The following DYNC2H1 variants were observed in gnomAD, a reference collection of about 807,000 sequenced individuals.
DYNC2H1 encodes cytoplasmic dynein 2 heavy chain 1.
DYNC2H1 carries 410 observed loss-of-function variants against 570.0 expected under a neutral mutation model. The ratio of observed to expected loss-of-function variants is 0.72; its 90% CI spans 0.66 to 0.78. The LOEUF (loss-of-function observed/expected upper bound fraction) is 0.78, where lower values mean the gene tolerates loss of function less well. DYNC2H1 is among the 30% of genes least tolerant of loss of function. DYNC2H1 has a pLI of 0.00. For synonymous variants in DYNC2H1, 1,688 were observed against 1,677.6 expected, an observed-to-expected ratio of 1.01 and a Z score of -0.15; for missense variants, 4,865 against 5,046.4, an observed-to-expected ratio of 0.96 and a Z score of 1.09.
rs1861992321 is a variant in DYNC2H1 at position 103,184,654 on chromosome 11, TGTATCTATTTGAGGACTGTAGCACTGAAA to T, written c.6478-240_6478-212del. Among the ~76,000 whole-genome samples the T allele has an allele frequency of 4.6e-5, 7 of 152,076 alleles. No individual in the cohort carries two copies. The South Asian group carries it at 1.4e-3, about 31-fold the overall frequency. On this transcript the variant is annotated intron_variant, in intron 40 of 88. Coordinates refer to ENST00000375735, the MANE Select transcript of DYNC2H1 (RefSeq NM_001377.3). ...CTTCAGGTTTAGGAAGTAAATAAAC[TGTATCTATTTGAGGACTGTAGCACTGAAA>T]GCTAGAAATATATGATTGTACTTTC...
chr11:103,414,313 C>T (rs1943199568), intron 84 of DYNC2H1, among the ~76,000 whole-genome samples: 1 of 152,092 alleles, frequency 6.6e-6, no homozygotes, highest in African/African-American at 2.4e-5. Context: ...GTGAAATACA[C>T]AAATTCCTTG....
intron 13 of DYNC2H1, among the ~76,000 whole-genome samples, chr11:103,132,350 A>G (rs1749761711): frequency 6.6e-6 from 1 of 151,740 alleles, no homozygotes; most frequent in South Asian, 2.1e-4. Context: ...TTTTTTTATA[A>G]TTCTATTTTT....
At chr11:103,468,799 G>T (rs530284271) in intron 88 of DYNC2H1, 94 bp downstream of exon 88, 1 of 1,006,868 alleles carries the variant, frequency 9.9e-7, no homozygotes, top group African/African-American at 1.6e-5. Flanking sequence ...GTGTATTTTT[G>T]TTTGCTTTCT....
chr11:103,285,143 G>A (rs1866295212), intron 73 of DYNC2H1, among the ~76,000 whole-genome samples: 1 of 152,174 alleles, frequency 6.6e-6, no homozygotes, highest in Non-Finnish European at 1.5e-5. Flanking sequence ...GCTTGACAGA[G>A]TTTAAAACTG....
intron 62 of DYNC2H1, among the ~76,000 whole-genome samples, chr11:103,236,165 G>T (rs1565419303): frequency 6.6e-6 from 1 of 151,814 alleles, no homozygotes; most frequent in Non-Finnish European, 1.5e-5. Flanking sequence ...AAAATTCTTT[G>T]TGATGTTAGT....
In DYNC2H1 at chr11:103,232,948, C is replaced by G. The variant is rs377613132; in HGVS notation, c.9441-1086C>G. 2.0e-5 allele frequency among the ~76,000 whole-genome samples: 3 copies of G among 151,882 alleles called. No homozygotes were observed. The East Asian group carries it at 5.8e-4, about 29-fold the overall frequency. On this transcript the variant is annotated intron_variant, in intron 60 of 88. Transcript: ENST00000375735. ...GTCATATGCAGTTACTGAGCACTTG[C>G]AATGTTTGTAATATGACTGAGGAAT...
At chr11:103,390,138 C>G (rs186807358) in intron 83 of DYNC2H1, among the ~76,000 whole-genome samples, 1 of 152,232 alleles carries the variant, frequency 6.6e-6, no homozygotes, top group East Asian at 1.9e-4. Flanking sequence ...GTCTAAGTCT[C>G]TTTGTAGGTC....
At position 103,307,748 on chromosome 11, in the gene DYNC2H1, A is replaced by G; in HGVS notation, c.11410A>G (p.Thr3804Ala). 1 of 1,602,218 alleles carries G rather than the reference A, an allele frequency of 6.2e-7. No homozygotes were observed. Among genetic ancestry groups the G allele is most frequent in the Non-Finnish European group, 8.5e-7 (1 of 1,173,628 alleles). Residue 3804 changes from threonine to alanine, a missense_variant, in exon 78 of 89, where the codon ACC (threonine) becomes GCC (alanine). Thr to Ala is a moderately conservative substitution (Grantham distance 58). This residue lies in a region of DYNC2H1 where 2,401 missense variants were observed against 2,454.6 expected (regional missense o/e 0.98). Transcript: ENST00000375735. ...KELNTLQPKD[T>A]FRLWLTAEVH... ...ATTGAATACTCTTCAACCTAAAGATACCTTTCGTCTTTGGCTCACTGCAGA... is the reference window on the plus strand; with the variant it reads ...ATTGAATACTCTTCAACCTAAAGATGCCTTTCGTCTTTGGCTCACTGCAGA...
chr11:103,328,633 A>T (rs992267475), intron 82 of DYNC2H1, among the ~76,000 whole-genome samples: 6 of 152,250 alleles, frequency 3.9e-5, no homozygotes, highest in Non-Finnish European at 8.8e-5. Context: ...ACAAATATGA[A>T]GGCCAAAAAT....
chr11:103,220,932 T>C, intron 57 of DYNC2H1, 149 bp downstream of exon 57: 1 of 684,812 alleles, frequency 1.5e-6, no homozygotes, highest in Non-Finnish European at 2.4e-6. Flanking sequence ...AGGTATTCTA[T>C]GTAATCATAT....
chr11:103,229,600 C>CT (rs1863930855), intron 59 of DYNC2H1, among the ~76,000 whole-genome samples: 1 of 152,030 alleles, frequency 6.6e-6, no homozygotes, highest in African/African-American at 2.4e-5. Context: ...CTTCATTGAT[C>CT]TGTGTGTTCT....
chr11:103,450,481 A>C (rs77850207), intron 85 of DYNC2H1, among the ~76,000 whole-genome samples: 23,467 of 152,240 alleles, frequency 0.15, 2,012 homozygotes, highest in East Asian at 0.26. Flanking sequence ...CAAACCACAC[A>C]AAGTATGCTT....
At chr11:103,188,891 G>A (rs1338628650) in intron 44 of DYNC2H1, among the ~76,000 whole-genome samples, 4 of 151,974 alleles carry the variant, frequency 2.6e-5, no homozygotes, top group East Asian at 1.9e-4. Context: ...GTTTTGTGTA[G>A]TCTGTGTTCC....
chr11:103,188,682 G>A, intron 44 of DYNC2H1, 34 bp downstream of exon 44: 1 of 1,433,134 alleles, frequency 7.0e-7, no homozygotes, highest in Non-Finnish European at 9.3e-7. Context: ...TTTTTAATTT[G>A]GGAAGATATC....
At chr11:103,137,930 A>G (rs1193480130) in intron 17 of DYNC2H1, among the ~76,000 whole-genome samples, 2 of 150,180 alleles carry the variant, frequency 1.3e-5, no homozygotes, top group African/African-American at 4.9e-5. Context: ...TTCTCCTTGA[A>G]GAGGTCCTTC....
In DYNC2H1 at chr11:103,163,216, G is replaced by C; in HGVS notation, c.4611+69G>C. 1 of 1,512,586 alleles carries C rather than the reference G, an allele frequency of 6.6e-7. No homozygotes were observed. The highest frequency in any genetic ancestry group is 8.9e-7 in the Non-Finnish European group (1 of 1,126,150). 93.7% of individuals were successfully genotyped at this position (1,512,586 alleles called of 1,614,324 possible). On this transcript the variant is annotated intron_variant, in intron 30 of 88. Coordinates refer to ENST00000375735, the MANE Select transcript of DYNC2H1 (RefSeq NM_001377.3). This position sits in a 1 kb window ranked among gnomAD's most constrained non-coding sequence, Gnocchi z 4.6. ...GAAAGATCCCTGACCTAGAAGCCAG[G>C]AGGCTCAGATAAATCGCATCTGTTT... is the stretch of plus-strand genomic sequence containing the variant.
Position 103,120,993 on chromosome 11 carries a change from A to T in DYNC2H1, c.1317A>T (p.Leu439Phe). Residue 439 changes from leucine (L) to phenylalanine (F), a missense_variant, in exon 9 of 89, where the codon TTA (leucine) becomes TTT (phenylalanine). Physicochemically the swap from Leu to Phe is conservative, Grantham distance 22 (BLOSUM62 0). Coordinates refer to ENST00000375735, the MANE Select transcript of DYNC2H1 (RefSeq NM_001377.3). ...KRPTISKELM[L>F]ERETLLARLV... is the part of the protein sequence containing the mutation. Reference sequence around the variant, plus strand: ...CAACTATAAGCAAAGAATTGATGTTAGAAAGAGAAACTTTACTGGCAAGAC... The same window carrying T: ...CAACTATAAGCAAAGAATTGATGTTTGAAAGAGAAACTTTACTGGCAAGAC... 1 of 1,591,032 alleles carries T rather than the reference A, an allele frequency of 6.3e-7. No individual in the cohort carries two copies. The highest frequency in any genetic ancestry group is 8.6e-7 in the Non-Finnish European group (1 of 1,169,472).
rs1446657312 is a variant in DYNC2H1 at position 103,209,211 on chromosome 11, G to T, written c.8455-665G>T. Among the ~76,000 whole-genome samples, 1 of 151,984 alleles carries T rather than the reference G, an allele frequency of 6.6e-6. No individual in the cohort carries two copies. Among genetic ancestry groups the T allele is most frequent in the African/African-American group, 2.4e-5 (1 of 41,386 alleles). On this transcript the variant is annotated intron_variant, in intron 52 of 88. Coordinates refer to ENST00000375735, the MANE Select transcript of DYNC2H1 (RefSeq NM_001377.3). This position sits in a 1 kb window ranked among gnomAD's most constrained non-coding sequence, Gnocchi z 4.2. ...GTAACTTCAGCTCTATCAGGTGAAA[G>T]AAATTGAAGCTATTTGGCTTAATTT... is the stretch of plus-strand genomic sequence containing the variant.
At chr11:103,282,442 T>C (rs1191276289) in intron 72 of DYNC2H1, among the ~76,000 whole-genome samples, 1 of 152,028 alleles carries the variant, frequency 6.6e-6, no homozygotes, top group East Asian at 1.9e-4. Flanking sequence ...TAATATGTCA[T>C]ACTAATGAAT....
Sources: allele counts gnomAD v4.1 joint callset (sites outside exome capture counted in the v4.1 genomes callset), GRCh38; gene constraint gnomAD v4.1.1; regional missense constraint gnomAD v4.1.1; non-coding constraint Gnocchi (gnomAD v3.1); transcripts MANE v1.5; gene names NCBI Gene and HGNC (gene_info 2026-07-23, HGNC 2026-07-21).